The following NCEH1 variants were observed in gnomAD, a reference collection of about 807,000 sequenced individuals.
NCEH1 encodes neutral cholesterol ester hydrolase 1.
NCEH1 carries 9 observed loss-of-function variants against 25.4 expected under a neutral mutation model. The ratio of observed to expected loss-of-function variants is 0.35; its 90% CI spans 0.21 to 0.62. The LOEUF is 0.62. Ranked by LOEUF, NCEH1 falls within the 20% of genes least tolerant of loss-of-function variation. NCEH1 has a pLI of 0.72. For synonymous variants in NCEH1, 200 were observed against 199.8 expected, an observed-to-expected ratio of 1.00 and a Z score of -0.01; for missense variants, 412 against 501.1, an observed-to-expected ratio of 0.82 and a Z score of 1.70.
In NCEH1 at chr3:172,633,398, A is replaced by G. The variant is rs1716452418; in HGVS notation, c.*77T>C. 1 of 1,359,152 alleles carries G rather than the reference A, an allele frequency of 7.4e-7. No individual in the cohort carries two copies. The highest frequency in any genetic ancestry group is 1.5e-5 in the African/African-American group (1 of 68,692). The allele number at this position is 1,359,152 out of a possible 1,614,324, so 84.2% of individuals were successfully genotyped here. A position where few individuals can be genotyped will look rare whatever the true frequency, so the allele number is the denominator to read the frequency against. ...AGGGGAATGGGAGGAAGAATTAGTC[A>G]ACTAAAAAGTGCATGTCTTTCCAAA... is the stretch of plus-strand genomic sequence containing the variant. On this transcript the variant is annotated 3_prime_UTR_variant, in exon 5 of 5. Coordinates refer to ENST00000475381, the MANE Select transcript of NCEH1 (RefSeq NM_020792.6).
intron 1 of NCEH1, among the ~76,000 whole-genome samples, chr3:172,656,303 T>G (rs1178092375): frequency 6.6e-6 from 1 of 151,966 alleles, no homozygotes; most frequent in Admixed American, 6.6e-5. Context: ...TAAAAGGAAT[T>G]GAGTGAATTG....
chr3:172,642,150 T>C (rs1716879223), intron 3 of NCEH1, among the ~76,000 whole-genome samples: 1 of 152,056 alleles, frequency 6.6e-6, no homozygotes, highest in Admixed American at 6.5e-5. Context: ...GATCCCGCTC[T>C]GAACTGCTTT....
chr3:172,678,460 C>T (rs563752489), intron 1 of NCEH1, among the ~76,000 whole-genome samples: 2 of 152,278 alleles, frequency 1.3e-5, no homozygotes, highest in South Asian at 2.1e-4. Flanking sequence ...CTTGTTTTAA[C>T]GGATCCAAGA....
chr3:172,697,984 T>C (rs1456031446), intron 1 of NCEH1, among the ~76,000 whole-genome samples: 4 of 147,664 alleles, frequency 2.7e-5, no homozygotes, highest in Non-Finnish European at 6.0e-5. Flanking sequence ...TTTTTTTTTT[T>C]TTTTTTTTTT....
At chr3:172,705,009 A>G (rs952029243) in intron 1 of NCEH1, among the ~76,000 whole-genome samples, 1 of 152,244 alleles carries the variant, frequency 6.6e-6, no homozygotes, top group Non-Finnish European at 1.5e-5. Context: ...TGGCACTATG[A>G]TAGCTATATC....
intron 1 of NCEH1, among the ~76,000 whole-genome samples, chr3:172,698,080 G>A (rs1223141965): frequency 1.3e-5 from 2 of 149,052 alleles, no homozygotes; most frequent in African/African-American, 5.0e-5. Flanking sequence ...GGGTTCAAGC[G>A]ACTCTCCTGC....
At chr3:172,644,066 T>C (rs535765731) in intron 3 of NCEH1, among the ~76,000 whole-genome samples, 1 of 152,338 alleles carries the variant, frequency 6.6e-6, no homozygotes, top group South Asian at 2.1e-4. Flanking sequence ...TGGCTCCAGC[T>C]GTCTGGACTC....
intron 1 of NCEH1, among the ~76,000 whole-genome samples, chr3:172,676,929 A>G (rs1351745138): frequency 3.9e-5 from 6 of 152,050 alleles, no homozygotes; most frequent in African/African-American, 1.2e-4. Flanking sequence ...CTTGGGAAAA[A>G]GTCTGGGTCT....
chr3:172,679,004 A>ACG (rs1162226302), intron 1 of NCEH1, among the ~76,000 whole-genome samples: 1 of 152,232 alleles, frequency 6.6e-6, no homozygotes, highest in East Asian at 1.9e-4. Context: ...TTATAACCTG[A>ACG]CGCATCCACC....
At chr3:172,710,819 A>T in intron 1 of NCEH1, 28 bp downstream of exon 1, 1 of 1,611,666 alleles carries the variant, frequency 6.2e-7, no homozygotes, top group South Asian at 1.1e-5. Context: ...GAGGAGGAAG[A>T]GAGAAGCAGC....
chr3:172,663,055 G>T (rs1255682837), intron 1 of NCEH1, among the ~76,000 whole-genome samples: 1 of 152,078 alleles, frequency 6.6e-6, no homozygotes, highest in Non-Finnish European at 1.5e-5. Flanking sequence ...TGTGATGTTA[G>T]GGTGTCAATT....
At chr3:172,677,285 GTGTC>G (rs1481239255) in intron 1 of NCEH1, among the ~76,000 whole-genome samples, 1 of 152,124 alleles carries the variant, frequency 6.6e-6, no homozygotes, top group Non-Finnish European at 1.5e-5. Flanking sequence ...TGAAAAAACT[GTGTC>G]TTAAATGGCA....
rs1270204923 is a variant in NCEH1 at position 172,650,000 on chromosome 3, TA to T, written c.139-1887del. ...TTATATGACAGATATGAGAAGACTG[TA>T]CATTTTATAAGAGAGCCCACCTCGA... On this transcript the variant is annotated intron_variant, in intron 1 of 4. Transcript: ENST00000475381. Among the ~76,000 whole-genome samples the T allele has an allele frequency of 2.6e-5, 4 of 152,378 alleles. No homozygotes were observed. The East Asian group carries it at 7.7e-4, about 29-fold the overall frequency.
At chr3:172,687,261 T>G (rs1326209957) in intron 1 of NCEH1, among the ~76,000 whole-genome samples, 1 of 152,182 alleles carries the variant, frequency 6.6e-6, no homozygotes, top group Non-Finnish European at 1.5e-5. Context: ...ACAGCTTCAA[T>G]CTGAACCTTT....
At chr3:172,679,629 G>C (rs1436147904) in intron 1 of NCEH1, among the ~76,000 whole-genome samples, 1 of 151,934 alleles carries the variant, frequency 6.6e-6, no homozygotes, top group African/African-American at 2.4e-5. Flanking sequence ...TAAGGGTAAA[G>C]GTTCTCGGTG....
intron 1 of NCEH1, among the ~76,000 whole-genome samples, chr3:172,657,973 G>C (rs1306316268): frequency 6.6e-6 from 1 of 152,170 alleles, no homozygotes; most frequent in East Asian, 1.9e-4. Flanking sequence ...TCTCTGTCTT[G>C]AATAGGGGCT....
chr3:172,688,519 TAAC>T (rs1016643538), intron 1 of NCEH1, among the ~76,000 whole-genome samples: 5 of 151,970 alleles, frequency 3.3e-5, no homozygotes, highest in African/African-American at 9.7e-5. Flanking sequence ...TTGGGGGAAA[TAAC>T]AAAAGAAATG....
intron 1 of NCEH1, among the ~76,000 whole-genome samples, chr3:172,710,199 C>G (rs551833544): frequency 6.6e-6 from 1 of 152,308 alleles, no homozygotes; most frequent in South Asian, 2.1e-4. Flanking sequence ...TCATGCAAAC[C>G]AGGGCTGCCG....
intron 1 of NCEH1, among the ~76,000 whole-genome samples, chr3:172,652,098 G>A (rs1445895005): frequency 6.6e-6 from 1 of 152,168 alleles, no homozygotes; most frequent in Non-Finnish European, 1.5e-5. Context: ...CTCATACCCA[G>A]ACAGAACCCT....
Sources: allele counts gnomAD v4.1 joint callset (sites outside exome capture counted in the v4.1 genomes callset), GRCh38; gene constraint gnomAD v4.1.1; transcripts MANE v1.5; gene names NCBI Gene and HGNC (gene_info 2026-07-23, HGNC 2026-07-21).